OTP: variants seen among roughly 807,000 people sequenced by gnomAD.
OTP encodes the protein orthopedia homeobox, also known as homeobox protein orthopedia.
OTP carries 5 observed loss-of-function variants against 22.3 expected under a neutral mutation model. That is an observed-to-expected ratio of 0.22 (90% CI 0.12 to 0.47). The LOEUF (loss-of-function observed/expected upper bound fraction) is 0.47. Ranked by LOEUF, OTP falls within the 20% of genes least tolerant of loss-of-function variation. OTP has a pLI of 0.99. For missense variants in OTP, 428 were observed against 456.2 expected, an observed-to-expected ratio of 0.94 and a Z score of 0.56; for synonymous variants, 229 against 210.6, an observed-to-expected ratio of 1.09 and a Z score of -0.76.
chr5:77,632,077 TAC>T (rs145837763), intron 2 of OTP, among the ~76,000 whole-genome samples: 1,974 of 150,494 alleles, frequency 0.013, 46 homozygotes, highest in African/African-American at 0.046. Context: ...TTTGATAAAA[TAC>T]ACTCCAAATG....
intron 2 of OTP, 117 bp from the exon 3 acceptor site, chr5:77,630,911 A>G: frequency 8.4e-7 from 1 of 1,185,848 alleles, no homozygotes; most frequent in South Asian, 1.7e-5. Context: ...CCTGGGAGGA[A>G]CAAGTGCCGT....
At position 77,630,633 on chromosome 5, in the gene OTP, G is replaced by A. The variant is rs751285844; in HGVS notation, c.609C>T (p.His203=). The A allele has an allele frequency of 1.9e-6, 3 of 1,565,640 alleles. No homozygotes were observed. The highest frequency in any genetic ancestry group is 2.7e-5 in the African/African-American group (2 of 73,968). ...CCGCCGCCCAGCGGGTGTCGTTGGC[G>A]TGGAAAGAGCACAGGCTGTCGCCCA... ...AAMGDSLCSF[H]ANDTRWAAAA... is the part of the protein sequence containing the mutation. Residue 203 remains histidine (H), a synonymous_variant, in exon 3 of 3, where the codon CAC becomes CAT. Transcript: ENST00000306422.
intron 2 of OTP, among the ~76,000 whole-genome samples, chr5:77,635,588 A>G (rs1744994553): frequency 6.6e-6 from 1 of 152,248 alleles, no homozygotes; most frequent in East Asian, 1.9e-4. Flanking sequence ...TTCAGTTTAG[A>G]CTATCTTTAA....
chr5:77,636,510 C>A (rs1439258003), intron 2 of OTP: 1 of 355,500 alleles, frequency 2.8e-6, no homozygotes, highest in East Asian at 4.8e-5. Context: ...CTGGGCCGCC[C>A]GGGGGGGCGC....
chr5:77,630,612 C>T lies in OTP; in HGVS notation c.630G>A (p.Ala210=), dbSNP rs1744913809. 6.4e-7 allele frequency: 1 copy of T among 1,553,608 alleles called. No individual in the cohort carries two copies. Among genetic ancestry groups the T allele is most frequent in the Non-Finnish European group, 8.6e-7 (1 of 1,156,930 alleles). Residue 210 remains alanine (A), a synonymous_variant, in exon 3 of 3, where the codon GCG becomes GCA. Transcript: ENST00000306422. The part of the protein sequence containing the change: ...CSFHANDTRW[A]AAAMPGVSQL... ...GTGACACGCCAGGCATGGCGGCCGC[C>T]GCCCAGCGGGTGTCGTTGGCGTGGA... is the stretch of plus-strand genomic sequence containing the variant.
intron 2 of OTP, among the ~76,000 whole-genome samples, chr5:77,631,214 T>A (rs1457886203): frequency 7.2e-5 from 11 of 152,274 alleles, no homozygotes; most frequent in Admixed American, 7.2e-4. Flanking sequence ...GCATGCCTTA[T>A]AACACTGATG....
rs1744882982 is a variant in OTP at position 77,629,496 on chromosome 5, C to G, written c.*768G>C. 1 of 152,662 alleles carries G rather than the reference C, an allele frequency of 6.6e-6. No individual in the cohort carries two copies. Among genetic ancestry groups the G allele is most frequent in the South Asian group, 2.1e-4 (1 of 4,828 alleles). The allele number at this position is 152,662 out of a possible 1,614,324, so 9.5% of individuals were successfully genotyped here. On this transcript the variant is annotated 3_prime_UTR_variant, in exon 3 of 3. Coordinates refer to ENST00000306422, the MANE Select transcript of OTP (RefSeq NM_032109.3). ...AGCGTGGTGGGAGAGGAAAGAAAGA[C>G]AGGAGCTTGGAGAGTACAAGGATAA... is the stretch of plus-strand genomic sequence containing the variant.
Position 77,636,497 on chromosome 5 carries a change from C to T in OTP, c.447+324G>A, listed in dbSNP as rs537236330. 31 of 339,974 alleles carry T rather than the reference C, an allele frequency of 9.1e-5. No individual in the cohort carries two copies. In the East Asian group the frequency reaches 1.6e-3, roughly 18 times the overall value. The allele number at this position is 339,974 out of a possible 1,614,324, so 21.1% of individuals were successfully genotyped here. ...GCGAGCAGGAGTTGAGGTGTGCGCT[C>T]GGCTGGGCCGCCCGGGGGGGCGCTG... is the stretch of plus-strand genomic sequence containing the variant. On this transcript the variant is annotated intron_variant, in intron 2 of 2. Coordinates refer to ENST00000306422, the MANE Select transcript of OTP (RefSeq NM_032109.3).
At chr5:77,633,337 A>G (rs570390298) in intron 2 of OTP, among the ~76,000 whole-genome samples, 1 of 152,244 alleles carries the variant, frequency 6.6e-6, no homozygotes, top group South Asian at 2.1e-4. Context: ...ATGGCTACAA[A>G]TTTTTTTATG....
chr5:77,631,130 G>A (rs1744923282), intron 2 of OTP, among the ~76,000 whole-genome samples: 1 of 152,250 alleles, frequency 6.6e-6, no homozygotes, highest in Admixed American at 6.5e-5. Flanking sequence ...TCACAGGTCT[G>A]CAGTCAGGCA....
chr5:77,633,363 G>A (rs1344022958), intron 2 of OTP, among the ~76,000 whole-genome samples: 1 of 152,074 alleles, frequency 6.6e-6, no homozygotes, highest in Non-Finnish European at 1.5e-5. Context: ...TGGCTTACTG[G>A]GATTGGGAAA....
At chr5:77,636,791 C>T in intron 2 of OTP, 30 bp downstream of exon 2, 1 of 1,585,728 alleles carries the variant, frequency 6.3e-7, no homozygotes. Flanking sequence ...CTGTCCTTGC[C>T]TTCTGTCCCA....
intron 2 of OTP, among the ~76,000 whole-genome samples, chr5:77,634,810 G>A (rs1209156364): frequency 6.6e-6 from 1 of 152,070 alleles, no homozygotes. Flanking sequence ...TAAAAATATT[G>A]AAATTGCCAT....
At chr5:77,636,796 G>C in intron 2 of OTP, 25 bp downstream of exon 2, 1 of 1,590,958 alleles carries the variant, frequency 6.3e-7, no homozygotes, top group Non-Finnish European at 8.6e-7. Flanking sequence ...CTTGCCTTCT[G>C]TCCCAGATCC....
At chr5:77,634,409 C>A (rs921818397) in intron 2 of OTP, among the ~76,000 whole-genome samples, 4 of 152,038 alleles carry the variant, frequency 2.6e-5, no homozygotes, top group Non-Finnish European at 5.9e-5. Flanking sequence ...TTAATAAATA[C>A]TTAAAAGTGT....
At chr5:77,632,530 T>G (rs1370712627) in intron 2 of OTP, among the ~76,000 whole-genome samples, 3 of 151,764 alleles carry the variant, frequency 2.0e-5, no homozygotes, top group Non-Finnish European at 4.4e-5. Flanking sequence ...ATACCTGCCC[T>G]CGGTCTCGGT....
rs1744874748 is a variant in OTP at position 77,628,866 on chromosome 5, A to G, written c.*1398T>C. Reference sequence around the variant, plus strand: ...CACAGACATTAAGTTAAAACATATCACAAATTGACCAGTATGTAACAAGAA... The same window carrying G: ...CACAGACATTAAGTTAAAACATATCGCAAATTGACCAGTATGTAACAAGAA... On this transcript the variant is annotated 3_prime_UTR_variant, in exon 3 of 3. Coordinates refer to ENST00000306422, the MANE Select transcript of OTP (RefSeq NM_032109.3). 1 of 152,692 alleles carries G rather than the reference A, an allele frequency of 6.5e-6. No individual in the cohort carries two copies. The highest frequency in any genetic ancestry group is 6.5e-5 in the Admixed American group (1 of 15,290). 9.5% of individuals were successfully genotyped at this position (152,692 alleles called of 1,614,324 possible). A position where few individuals can be genotyped will look rare whatever the true frequency, so the allele number is the denominator to read the frequency against.
Position 77,630,306 on chromosome 5 carries a change from G to A in OTP, c.936C>T (p.Arg312=). The A allele has an allele frequency of 4.5e-6, 7 of 1,563,840 alleles. No individual in the cohort carries two copies. The highest frequency in any genetic ancestry group is 6.0e-6 in the Non-Finnish European group (7 of 1,157,936). ...AGACTGTGTGCTCTAGCGCCTTGCG[G>A]CGGAGGGAGGCGATGCTGGTGCCCC... ...VWRGTSIASL[R]RKALEHTVSM... Residue 312 remains arginine, a synonymous_variant, in exon 3 of 3, where the codon CGC becomes CGT. Transcript: ENST00000306422.
Position 77,630,042 on chromosome 5 carries a change from C to T in OTP, c.*222G>A. 8.2e-6 allele frequency: 2 copies of T among 245,116 alleles called. No homozygotes were observed. Among genetic ancestry groups the T allele is most frequent in the East Asian group, 8.4e-5 (1 of 11,922 alleles). 15.2% of individuals were successfully genotyped at this position (245,116 alleles called of 1,614,324 possible). ...GAAGGGAAGAGGGGCGGCCGGGAGACGGGGGACCGCGGGCGATCGAAATCA... is the reference window on the plus strand; with the variant it reads ...GAAGGGAAGAGGGGCGGCCGGGAGATGGGGGACCGCGGGCGATCGAAATCA... On this transcript the variant is annotated 3_prime_UTR_variant, in exon 3 of 3. Transcript: ENST00000306422.
Sources: gnomAD v4.1 joint callset for allele counts (sites outside exome capture counted in the v4.1 genomes callset) on GRCh38, gnomAD v4.1.1 for gene constraint, MANE v1.5 for transcripts, NCBI Gene and HGNC (gene_info 2026-07-23, HGNC 2026-07-21) for gene names.